Variants in KIRREL3 observed in about 807,000 individuals in gnomAD.
The protein encoded by KIRREL3 is kin of IRRE-like protein 3.
Under a neutral mutation model 89.7 loss-of-function variants are expected in KIRREL3, and 36 were observed. The ratio of observed to expected loss-of-function variants is 0.40; its 90% CI spans 0.31 to 0.53. The LOEUF is 0.53. KIRREL3 is among the 20% of genes least tolerant of loss of function. The probability of loss-of-function intolerance (pLI) is 0.49; values close to 1 mark genes in which losing one functional copy is unlikely to be tolerated. For missense variants in KIRREL3, 864 were observed against 1,056.6 expected (o/e 0.82, Z 2.53); for synonymous variants, 445 against 441.4 (o/e 1.01, Z -0.10).
At chr11:126,665,459 G>A (rs1235225122) in intron 1 of KIRREL3, among the ~76,000 whole-genome samples, 3 of 152,184 alleles carry the variant, frequency 2.0e-5, no homozygotes, top group Non-Finnish European at 2.9e-5. Context: ...CCTCACCCCC[G>A]AGGTGATGCT....
rs1948934631 is a variant in KIRREL3 at position 126,740,219 on chromosome 11, G to A, written c.56-177307C>T. 6.6e-6 allele frequency among the ~76,000 whole-genome samples: 1 copy of A among 152,012 alleles called. No homozygotes were observed. The highest frequency in any genetic ancestry group is 1.5e-5 in the Non-Finnish European group (1 of 68,022). On this transcript the variant is annotated intron_variant, in intron 1 of 16. Coordinates refer to ENST00000525144, the MANE Select transcript of KIRREL3 (RefSeq NM_032531.4). The surrounding 1 kb of genome is among the most constrained non-coding windows in gnomAD (Gnocchi z 6.0). ...TATGTTTTCTCTCCACATTCATTTT[G>A]AGCAGGTAATAAAGGCTATAGTGGG...
rs1591720737 is a variant in KIRREL3 at position 126,550,687 on chromosome 11, AT to A, written c.133+12147del. 6.6e-6 allele frequency: 1 copy of A among 152,200 alleles called. No individual in the cohort carries two copies. Among genetic ancestry groups the A allele is most frequent in the East Asian group, 1.9e-4 (1 of 5,190 alleles). The allele number at this position is 152,200 out of a possible 1,614,324, so 9.4% of individuals were successfully genotyped here. A position where few individuals can be genotyped will look rare whatever the true frequency, so the allele number is the denominator to read the frequency against. ...AAAAAAAAAAAGAATATTAGTCGCA[AT>A]GATAAAAGGAAAACCAGAACCAAAA... On this transcript the variant is annotated intron_variant, in intron 2 of 16. Transcript: ENST00000525144. This position sits in a 1 kb window ranked among gnomAD's most constrained non-coding sequence, Gnocchi z 4.9.
intron 1 of KIRREL3, among the ~76,000 whole-genome samples, chr11:126,765,523 T>C (rs1190957437): frequency 6.6e-6 from 1 of 152,244 alleles, no homozygotes; most frequent in African/African-American, 2.4e-5. Flanking sequence ...TGCATTTAGC[T>C]GTGGAATAAA....
rs895035055 is a variant in KIRREL3, at chr11:126,424,558, C to G, written c.*22G>C. 1 of 1,610,378 alleles carries G rather than the reference C, an allele frequency of 6.2e-7. No individual in the cohort carries two copies. Among genetic ancestry groups the G allele is most frequent in the Non-Finnish European group, 8.5e-7 (1 of 1,177,876 alleles). The stretch of plus-strand genomic sequence containing the variant: ...TGCCCTGACCTCTTCCCTGGCCCGT[C>G]CCCACCCGCGGTGTGTGATCCTTAG... On this transcript the variant is annotated 3_prime_UTR_variant, in exon 17 of 17. Transcript: ENST00000525144.
chr11:126,946,460 A>T lies in KIRREL3; in HGVS notation c.55+53995T>A, dbSNP rs1483869944. Among the ~76,000 whole-genome samples, 1 of 152,222 alleles carries T rather than the reference A, an allele frequency of 6.6e-6. No individual in the cohort carries two copies. The highest frequency in any genetic ancestry group is 2.4e-5 in the African/African-American group (1 of 41,460). On this transcript the variant is annotated intron_variant, in intron 1 of 16. Transcript: ENST00000525144. This position sits in a 1 kb window ranked among gnomAD's most constrained non-coding sequence, Gnocchi z 4.1. ...ATTAGACTTTATTTACACACAGTTG[A>T]AAAAGGACTAATACAAATGCCCATA...
At position 126,925,160 on chromosome 11, in the gene KIRREL3, C is replaced by A. The variant is rs1446678566; in HGVS notation, c.55+75295G>T. Among the ~76,000 whole-genome samples, 4 of 150,010 alleles carry A rather than the reference C, an allele frequency of 2.7e-5. No homozygotes were observed. In the Admixed American group the frequency reaches 2.7e-4, roughly 10 times the overall value. On this transcript the variant is annotated intron_variant, in intron 1 of 16. Coordinates refer to ENST00000525144, the MANE Select transcript of KIRREL3 (RefSeq NM_032531.4). ...AAGCCCTGCAAGGGTTTGGCTGGTG[C>A]ACCTGCTCTGCTATGTCTCCACCTG...
rs533809451 is a variant in KIRREL3 at position 126,428,189 on chromosome 11, C to T, written c.1806+990G>A. On this transcript the variant is annotated intron_variant, in intron 15 of 16. Transcript: ENST00000525144. This position sits in a 1 kb window ranked among gnomAD's most constrained non-coding sequence, Gnocchi z 6.4. ...TTCACCCTCACCACAGCCCTGTATACTGTGGCTTTCAGACCCATCTCATGG... is the reference window on the plus strand; with the variant it reads ...TTCACCCTCACCACAGCCCTGTATATTGTGGCTTTCAGACCCATCTCATGG... Among the ~76,000 whole-genome samples the T allele has an allele frequency of 1.6e-4, 25 of 152,348 alleles. No individual in the cohort carries two copies. In the East Asian group the frequency reaches 4.8e-3, roughly 29 times the overall value.
At position 126,808,855 on chromosome 11, in the gene KIRREL3, A is replaced by G. The variant is rs947638377; in HGVS notation, c.55+191600T>C. ...CAATTTGTCAGCTGGCAGCTTATTA[A>G]ATACCCAAAACAAATGTTTATATAG... On this transcript the variant is annotated intron_variant, in intron 1 of 16. Coordinates refer to ENST00000525144, the MANE Select transcript of KIRREL3 (RefSeq NM_032531.4). The surrounding 1 kb of genome is among the most constrained non-coding windows in gnomAD (Gnocchi z 4.1). 5.3e-5 allele frequency among the ~76,000 whole-genome samples: 8 copies of G among 152,202 alleles called. No homozygotes were observed. Among genetic ancestry groups the G allele is most frequent in the African/African-American group, 1.9e-4 (8 of 41,446 alleles).
chr11:126,730,677 C>G (rs180767385), intron 1 of KIRREL3, among the ~76,000 whole-genome samples: 1 of 152,308 alleles, frequency 6.6e-6, no homozygotes, highest in East Asian at 1.9e-4. Flanking sequence ...CAACCAAGAA[C>G]CAAAATGGCG....
rs753474340 is a variant in KIRREL3 at position 126,525,271 on chromosome 11, C to T, written c.283+1267G>A. Among the ~76,000 whole-genome samples, 3 of 152,172 alleles carry T rather than the reference C, an allele frequency of 2.0e-5. No individual in the cohort carries two copies. Among genetic ancestry groups the T allele is most frequent in the African/African-American group, 4.8e-5 (2 of 41,438 alleles). On this transcript the variant is annotated intron_variant, in intron 3 of 16. Transcript: ENST00000525144. The surrounding 1 kb of genome is among the most constrained non-coding windows in gnomAD (Gnocchi z 5.4). ...ACTAGCGGCAGCGCTCATCCCAGCT[C>T]GGAGCCATTCAGTGCATGAACTATT...
intron 7 of KIRREL3, among the ~76,000 whole-genome samples, chr11:126,453,636 G>A (rs1038512729): frequency 7.9e-5 from 12 of 152,160 alleles, no homozygotes; most frequent in Non-Finnish European, 1.0e-4. Context: ...GGGGCTGAGC[G>A]AGTGTGGGTG....
At chr11:126,554,978 G>A (rs1939591144) in intron 2 of KIRREL3, among the ~76,000 whole-genome samples, 1 of 152,330 alleles carries the variant, frequency 6.6e-6, no homozygotes, top group Non-Finnish European at 1.5e-5. Flanking sequence ...TTCAGGGAAT[G>A]ATTGCCTTCT....
rs1939624316 is a variant in KIRREL3, at chr11:126,555,375, T to A, written c.133+7460A>T. On this transcript the variant is annotated intron_variant, in intron 2 of 16. Transcript: ENST00000525144. The surrounding 1 kb of genome is among the most constrained non-coding windows in gnomAD (Gnocchi z 4.2). The stretch of plus-strand genomic sequence containing the variant: ...AGTAAATAATTGCAATATGAATGTA[T>A]ATGTACAAACTGAACTCAGAGCTCT... 6.6e-6 allele frequency among the ~76,000 whole-genome samples: 1 copy of A among 152,172 alleles called. No individual in the cohort carries two copies. The highest frequency in any genetic ancestry group is 1.5e-5 in the Non-Finnish European group (1 of 68,036).
Position 126,996,104 on chromosome 11 carries a change from A to G in KIRREL3, c.55+4351T>C, listed in dbSNP as rs1950173251. Among the ~76,000 whole-genome samples, 2 of 152,258 alleles carry G rather than the reference A, an allele frequency of 1.3e-5. No individual in the cohort carries two copies. The highest frequency in any genetic ancestry group is 2.4e-5 in the African/African-American group (1 of 41,536). ...TGGCAACTGAGGACTCCCTACTGGGATACAGACATGCAACCACCCCCATTT... is the reference window on the plus strand; with the variant it reads ...TGGCAACTGAGGACTCCCTACTGGGGTACAGACATGCAACCACCCCCATTT... On this transcript the variant is annotated intron_variant, in intron 1 of 16. Coordinates refer to ENST00000525144, the MANE Select transcript of KIRREL3 (RefSeq NM_032531.4). This position sits in a 1 kb window ranked among gnomAD's most constrained non-coding sequence, Gnocchi z 4.7.
intron 1 of KIRREL3, among the ~76,000 whole-genome samples, chr11:126,850,396 C>T (rs949613818): frequency 7.2e-5 from 11 of 152,180 alleles, no homozygotes; most frequent in East Asian, 1.9e-4. Flanking sequence ...CCAGTGCTTG[C>T]GAGTGAGCTG....
Position 126,983,250 on chromosome 11 carries a change from G to A in KIRREL3, c.55+17205C>T, listed in dbSNP as rs1285468417. ...ATAATCCCAATAGATACACACGGGG[G>A]AAGGTCATTTTCTCTAACTTACAAG... On this transcript the variant is annotated intron_variant, in intron 1 of 16. Coordinates refer to ENST00000525144, the MANE Select transcript of KIRREL3 (RefSeq NM_032531.4). The surrounding 1 kb of genome is among the most constrained non-coding windows in gnomAD (Gnocchi z 4.9). Among the ~76,000 whole-genome samples the A allele has an allele frequency of 3.3e-5, 5 of 152,172 alleles. No homozygotes were observed. The highest frequency in any genetic ancestry group is 7.2e-5 in the African/African-American group (3 of 41,434).
In KIRREL3 at chr11:126,898,168, G is replaced by A. The variant is rs889161405; in HGVS notation, c.55+102287C>T. Among the ~76,000 whole-genome samples the A allele has an allele frequency of 1.3e-5, 2 of 152,094 alleles. No individual in the cohort carries two copies. The highest frequency in any genetic ancestry group is 2.9e-5 in the Non-Finnish European group (2 of 68,022). On this transcript the variant is annotated intron_variant, in intron 1 of 16. Coordinates refer to ENST00000525144, the MANE Select transcript of KIRREL3 (RefSeq NM_032531.4). The surrounding 1 kb of genome is among the most constrained non-coding windows in gnomAD (Gnocchi z 4.9). ...ACAGTCGCCTATCTCGTGGACAGGT[G>A]GAAGTAAAGAGTTAGGATCAAAGCT...
At chr11:126,613,133 T>C (rs1380905673) in intron 1 of KIRREL3, among the ~76,000 whole-genome samples, 1 of 152,172 alleles carries the variant, frequency 6.6e-6, no homozygotes, top group Non-Finnish European at 1.5e-5. Flanking sequence ...TACATTTAAA[T>C]TTTTATTTGA....
Position 126,994,704 on chromosome 11 carries a change from A to G in KIRREL3, c.55+5751T>C, listed in dbSNP as rs1018587765. ...TAGCTCCTTCAGTGAGTTAGAAGCTATGAGTGAATGAAAGTTAACGTGCAG... is the reference window on the plus strand; with the variant it reads ...TAGCTCCTTCAGTGAGTTAGAAGCTGTGAGTGAATGAAAGTTAACGTGCAG... On this transcript the variant is annotated intron_variant, in intron 1 of 16. Coordinates refer to ENST00000525144, the MANE Select transcript of KIRREL3 (RefSeq NM_032531.4). The surrounding 1 kb of genome is among the most constrained non-coding windows in gnomAD (Gnocchi z 5.2). Among the ~76,000 whole-genome samples the G allele has an allele frequency of 6.6e-6, 1 of 152,192 alleles. No homozygotes were observed. The highest frequency in any genetic ancestry group is 2.4e-5 in the African/African-American group (1 of 41,448).
Sources: allele counts gnomAD v4.1 joint callset (sites outside exome capture counted in the v4.1 genomes callset), GRCh38; gene constraint gnomAD v4.1.1; non-coding constraint Gnocchi (gnomAD v3.1); transcripts MANE v1.5; gene names NCBI Gene and HGNC (gene_info 2026-07-23, HGNC 2026-07-21).